Variants in CTNNA2 observed in about 807,000 individuals in gnomAD.
The protein encoded by CTNNA2 is catenin alpha-2.
In CTNNA2, 42 loss-of-function variants were observed where a neutral mutation model predicts 101.0. The ratio of observed to expected loss-of-function variants is 0.42; its 90% CI spans 0.32 to 0.54. The LOEUF (loss-of-function observed/expected upper bound fraction) is 0.54. CTNNA2 is among the 20% of genes least tolerant of loss of function. The pLI is 0.14. For synonymous variants in CTNNA2, 450 were observed against 456.4 expected, an observed-to-expected ratio of 0.99 and a Z score of 0.18; for missense variants, 871 against 1,223.1, an observed-to-expected ratio of 0.71 and a Z score of 4.29.
chr2:80,505,459 C>T (rs181156397), intron 9 of CTNNA2, among the ~76,000 whole-genome samples: 4 of 152,250 alleles, frequency 2.6e-5, no homozygotes, highest in African/African-American at 7.2e-5. Flanking sequence ...TGCCATTGGC[C>T]TCTTAACGTA....
chr2:79,671,803 C>T (rs1048282450), intron 2 of CTNNA2, among the ~76,000 whole-genome samples: 1 of 152,198 alleles, frequency 6.6e-6, no homozygotes, highest in Admixed American at 6.5e-5. Context: ...TTCTGGATTA[C>T]TGTTTAGCCG....
At chr2:80,043,061 TTC>T (rs1340836684) in intron 7 of CTNNA2, among the ~76,000 whole-genome samples, 3 of 46,560 alleles carry the variant, frequency 6.4e-5, no homozygotes, top group Admixed American at 2.2e-4. Context: ...CTTTCTTTCT[TTC>T]TTTCTTTCTT....
At chr2:79,640,369 T>A (rs1680370025) in intron 1 of CTNNA2, among the ~76,000 whole-genome samples, 1 of 152,160 alleles carries the variant, frequency 6.6e-6, no homozygotes, top group South Asian at 2.1e-4. Flanking sequence ...TGCACAAAGT[T>A]ACTCATGTGG....
At chr2:80,578,661 C>T (rs1573341412) in intron 13 of CTNNA2, among the ~76,000 whole-genome samples, 2 of 152,110 alleles carry the variant, frequency 1.3e-5, no homozygotes, top group Admixed American at 6.6e-5. Flanking sequence ...ATCTATTTGC[C>T]TGGTGGTATT....
chr2:80,085,244 G>A (rs1208350957), intron 7 of CTNNA2, among the ~76,000 whole-genome samples: 2 of 152,038 alleles, frequency 1.3e-5, no homozygotes, highest in African/African-American at 4.8e-5. Flanking sequence ...GTAGTCTTAT[G>A]TCCTCAACTC....
intron 7 of CTNNA2, among the ~76,000 whole-genome samples, chr2:80,332,586 G>C (rs991463370): frequency 6.6e-6 from 1 of 152,204 alleles, no homozygotes; most frequent in Admixed American, 6.5e-5. Context: ...GAGAGTTAAA[G>C]AGGGAAAGCA....
intron 12 of CTNNA2, among the ~76,000 whole-genome samples, chr2:80,560,354 A>G (rs745938512): frequency 2.2e-4 from 34 of 152,196 alleles, no homozygotes; most frequent in Non-Finnish European, 4.6e-4. Flanking sequence ...AGTAGAATGA[A>G]TCCAAGGTTA....
At chr2:80,598,774 CAA>C (rs1270348240) in intron 15 of CTNNA2, among the ~76,000 whole-genome samples, 3 of 152,126 alleles carry the variant, frequency 2.0e-5, no homozygotes, top group Non-Finnish European at 4.4e-5. Context: ...ACAGTTATCT[CAA>C]ATATTTCATA....
intron 7 of CTNNA2, among the ~76,000 whole-genome samples, chr2:80,336,202 T>G (rs1573757382): frequency 6.6e-6 from 1 of 152,034 alleles, no homozygotes; most frequent in Admixed American, 6.5e-5. Context: ...CTGGTGAGGG[T>G]TCGTTCCTCA....
intron 3 of CTNNA2, among the ~76,000 whole-genome samples, chr2:79,350,512 CA>C (rs1180645486): frequency 1.3e-5 from 2 of 152,140 alleles, no homozygotes; most frequent in Non-Finnish European, 2.9e-5. Context: ...ATATATGCCA[CA>C]TTTTTTTTAT....
chr2:80,307,867 G>T (rs1217435669), intron 7 of CTNNA2, among the ~76,000 whole-genome samples: 1 of 152,208 alleles, frequency 6.6e-6, no homozygotes, highest in Admixed American at 6.5e-5. Context: ...TTTGGGGTAA[G>T]AAATGATAAG....
intron 9 of CTNNA2, among the ~76,000 whole-genome samples, chr2:80,479,524 C>A (rs901667779): frequency 6.6e-6 from 1 of 152,082 alleles, no homozygotes; most frequent in Non-Finnish European, 1.5e-5. Flanking sequence ...AAAGGAAAGA[C>A]CTAATGGCTG....
intron 15 of CTNNA2, among the ~76,000 whole-genome samples, chr2:80,597,365 A>G (rs549857406): frequency 1.3e-5 from 2 of 152,314 alleles, no homozygotes; most frequent in African/African-American, 4.8e-5. Flanking sequence ...CAAACAAACA[A>G]AAACCCTAGA....
intron 2 of CTNNA2, among the ~76,000 whole-genome samples, chr2:79,204,853 A>T (rs1674081611): frequency 2.0e-5 from 3 of 152,238 alleles, no homozygotes; most frequent in Admixed American, 2.0e-4. Flanking sequence ...GGCCGTTTTC[A>T]TAATGGAATT....
rs564877840 is a variant in CTNNA2 at position 80,099,509 on chromosome 2, A to G, written c.1056+189712A>G. On this transcript the variant is annotated intron_variant, in intron 7 of 18. Coordinates refer to ENST00000402739, the MANE Select transcript of CTNNA2 (RefSeq NM_001282597.3). Reference sequence around the variant, plus strand: ...GCAACCAATTTCATTCATCCTGGAGATGAATTTACTTGGGAGAACCATGTT... The same window carrying G: ...GCAACCAATTTCATTCATCCTGGAGGTGAATTTACTTGGGAGAACCATGTT... 1.6e-4 allele frequency among the ~76,000 whole-genome samples: 25 copies of G among 152,300 alleles called. No homozygotes were observed. The South Asian group carries it at 5.2e-3, about 32-fold the overall frequency.
At chr2:80,363,993 T>C (rs1674665137) in intron 7 of CTNNA2, among the ~76,000 whole-genome samples, 1 of 152,158 alleles carries the variant, frequency 6.6e-6, no homozygotes, top group African/African-American at 2.4e-5. Context: ...CTAACAGTTG[T>C]TGAAATGTGG....
chr2:79,458,052 G>T (rs1158157600), intron 4 of CTNNA2, among the ~76,000 whole-genome samples: 1 of 152,152 alleles, frequency 6.6e-6, no homozygotes, highest in Non-Finnish European at 1.5e-5. Flanking sequence ...TTAAGCTCAG[G>T]TAACCTACAC....
At chr2:79,883,504 A>G (rs1259843016) in intron 6 of CTNNA2, among the ~76,000 whole-genome samples, 1 of 152,236 alleles carries the variant, frequency 6.6e-6, no homozygotes, top group African/African-American at 2.4e-5. Flanking sequence ...TGGAAAACTC[A>G]GCCTCTGTTT....
At chr2:80,141,401 G>A (rs1703002492) in intron 7 of CTNNA2, among the ~76,000 whole-genome samples, 1 of 152,038 alleles carries the variant, frequency 6.6e-6, no homozygotes. Flanking sequence ...AAAGGAGGGT[G>A]GAAGGCTGAG....
Sources: allele counts gnomAD v4.1 joint callset (sites outside exome capture counted in the v4.1 genomes callset), GRCh38; gene constraint gnomAD v4.1.1; transcripts MANE v1.5; gene names NCBI Gene and HGNC (gene_info 2026-07-23, HGNC 2026-07-21).